HEPH: variants seen among roughly 807,000 people sequenced by gnomAD.
HEPH encodes hephaestin.
HEPH carries 69 observed loss-of-function variants against 80.8 expected under a neutral mutation model. The observed-to-expected ratio is 0.85, with a 90% CI of 0.70 to 1.04. The LOEUF is 1.04. HEPH is among the 50% of genes least tolerant of loss of function. The pLI is 0.00. For synonymous variants in HEPH, 431 were observed against 322.8 expected (o/e 1.34, Z -3.60); for missense variants, 1,115 against 891.3 (o/e 1.25, Z -3.20).
At chrX:66,200,920 G>A (rs1569324735) in intron 12 of HEPH, among the ~76,000 whole-genome samples, 168 bp downstream of exon 12, 1 of 111,474 alleles carries the variant, frequency 9.0e-6, no homozygotes, top group Non-Finnish European at 1.9e-5. Context: ...CCATGTTCTG[G>A]TTACTTGGAT....
intron 13 of HEPH, among the ~76,000 whole-genome samples, chrX:66,206,521 C>A (rs1234902684): frequency 2.8e-5 from 3 of 106,034 alleles, no homozygotes; most frequent in Non-Finnish European, 5.8e-5. Context: ...AGCCACTACA[C>A]CCAGCTGATT....
At chrX:66,268,120 A>C (rs1017712340), downstream of HEPH, 1 of 112,159 alleles carries the variant, frequency 8.9e-6, no homozygotes, top group Non-Finnish European at 1.9e-5. Flanking sequence ...AAGATCCCTC[A>C]GGTAGAAGTT....
chrX:66,202,963 T>C (rs1466443963), intron 12 of HEPH, among the ~76,000 whole-genome samples: 1 of 103,832 alleles, frequency 9.6e-6, no homozygotes, highest in East Asian at 2.9e-4. Flanking sequence ...ACACATAATA[T>C]ATTTTTATAT....
intron 5 of HEPH, among the ~76,000 whole-genome samples, chrX:66,188,911 A>G (rs1416569378): frequency 8.9e-6 from 1 of 112,534 alleles, no homozygotes; most frequent in African/African-American, 3.2e-5. Flanking sequence ...TTGTTTTAAA[A>G]AGGAAGAAGT....
At chrX:66,177,048 A>C (rs1479115320) in intron 4 of HEPH, among the ~76,000 whole-genome samples, 1 of 111,726 alleles carries the variant, frequency 9.0e-6, no homozygotes, top group Admixed American at 9.5e-5. Flanking sequence ...GAATGGAAGA[A>C]AATTTTTGCA....
At chrX:66,168,002 T>C (rs565309936) in intron 1 of HEPH, among the ~76,000 whole-genome samples, 8 of 112,040 alleles carry the variant, frequency 7.1e-5, no homozygotes, top group African/African-American at 1.3e-4. Context: ...CATGTCGTAA[T>C]AGATACACAG....
At position 66,189,751 on chromosome X, in the gene HEPH, G is replaced by A; in HGVS notation, c.876G>A (p.Trp292Ter). ...TGTGTGCACAGAAACGTGTGGCCTG[G>A]CACTTGTTTGGCATGGGCAATGAAA... Reference protein sequence around the residue: ...LNMCAQKRVAWHLFGMGNEID... With the variant: ...LNMCAQKRVA Residue 292 changes from tryptophan to a stop codon, truncating the protein, a stop_gained, in exon 6 of 21, where the codon TGG becomes TGA. Transcript: ENST00000343002. LOFTEE classifies it high-confidence loss of function. The A allele has an allele frequency of 8.3e-7, 1 of 1,210,700 alleles. No individual in the cohort carries two copies.
chrX:66,206,339 CT>C (rs760184190), intron 13 of HEPH, among the ~76,000 whole-genome samples: 22 of 14,066 alleles, frequency 1.6e-3, no homozygotes, highest in South Asian at 7.2e-3. Flanking sequence ...AACCTGCCAT[CT>C]TTTTTTTTTT....
In HEPH at chrX:66,233,874, T is replaced by C. The variant is rs1445830168; in HGVS notation, c.2564-21161T>C. Among the ~76,000 whole-genome samples the C allele has an allele frequency of 7.2e-5, 8 of 111,383 alleles. No homozygotes were observed. The East Asian group carries it at 2.0e-3, about 27-fold the overall frequency. On this transcript the variant is annotated intron_variant, in intron 15 of 20. Transcript: ENST00000343002. ...GACCAAGGCTGTCAAAACATGTTTT[T>C]ATTTTTATGTATTTATTTATTTAGT...
At position 66,266,821 on chromosome X, in the gene HEPH, A is replaced by G. The variant is rs958758070; in HGVS notation, c.*149A>G. On this transcript the variant is annotated 3_prime_UTR_variant, in exon 21 of 21. Coordinates refer to ENST00000343002, the MANE Select transcript of HEPH (RefSeq NM_001367233.3). ...AGCTTATCTGGATATTTCTTTCTTT[A>G]TTTATTTTACATGGAAATAATATGA... 7.2e-5 allele frequency: 31 copies of G among 430,127 alleles called. No individual in the cohort carries two copies. The South Asian group carries it at 1.2e-3, about 17-fold the overall frequency. The allele number at this position is 430,127 out of a possible 1,213,427, so 35.4% of individuals were successfully genotyped here.
chrX:66,262,632 A>T (rs1301313654), intron 19 of HEPH, among the ~76,000 whole-genome samples: 1 of 111,853 alleles, frequency 8.9e-6, no homozygotes, highest in Non-Finnish European at 1.9e-5. Flanking sequence ...GACAAAATAC[A>T]GGGTAATTAC....
rs755408147 is a variant in HEPH at position 66,176,093 on chromosome X, A to G, written c.625+2292A>G. On this transcript the variant is annotated intron_variant, in intron 4 of 20. Transcript: ENST00000343002. ...AGAGTGGGCATCCTTGTCTTATTCC[A>G]GTTCTCAAAGGGAATGCTTTCAACT... Among the ~76,000 whole-genome samples the G allele has an allele frequency of 9.0e-5, 10 of 111,439 alleles. 1 individual carries two copies. The South Asian group carries it at 3.4e-3, about 38-fold the overall frequency.
At chrX:66,226,891 T>C (rs1212997161) in intron 15 of HEPH, among the ~76,000 whole-genome samples, 2 of 111,721 alleles carry the variant, frequency 1.8e-5, no homozygotes, top group Non-Finnish European at 3.8e-5. Flanking sequence ...TTGACACTAT[T>C]CCAAAATACA....
intron 15 of HEPH, among the ~76,000 whole-genome samples, chrX:66,231,000 G>T (rs1280362801): frequency 1.1e-3 from 117 of 107,822 alleles, no homozygotes; most frequent in African/African-American, 3.8e-3. Context: ...CATATGGCTA[G>T]CCAGTTTTCC....
chrX:66,250,446 G>A (rs1247084253), intron 15 of HEPH, among the ~76,000 whole-genome samples: 1 of 111,116 alleles, frequency 9.0e-6, no homozygotes, highest in Non-Finnish European at 1.9e-5. Context: ...ATGAATTTTA[G>A]CACATGAATA....
intron 4 of HEPH, among the ~76,000 whole-genome samples, chrX:66,186,901 G>A (rs5964497): frequency 1.8e-5 from 2 of 109,933 alleles, no homozygotes; most frequent in East Asian, 2.9e-4. Context: ...CTCAGACTTC[G>A]TAGGGGCTTT....
At chrX:66,193,413 A>G in intron 7 of HEPH, 89 bp from the exon 8 acceptor site, 2 of 571,756 alleles carry the variant, frequency 3.5e-6, no homozygotes, top group East Asian at 3.9e-5. Flanking sequence ...CTAAATATAA[A>G]GATTCATAAC....
upstream of HEPH, chrX:66,162,766 T>TCCCC (rs2086234913): frequency 8.7e-7 from 1 of 1,153,642 alleles, no homozygotes; most frequent in African/African-American, 1.8e-5. Context: ...GTCTTCTGAA[T>TCCCC]GTTCTCTTCC....
intron 15 of HEPH, among the ~76,000 whole-genome samples, chrX:66,238,928 G>A (rs759901983): frequency 4.4e-5 from 5 of 112,639 alleles, no homozygotes; most frequent in Non-Finnish European, 9.4e-5. Flanking sequence ...TCTGCAGCAG[G>A]AGCATGTTCT....
Sources: allele counts gnomAD v4.1 joint callset (sites outside exome capture counted in the v4.1 genomes callset), GRCh38; gene constraint gnomAD v4.1.1; transcripts MANE v1.5; gene names NCBI Gene and HGNC (gene_info 2026-07-23, HGNC 2026-07-21).